The following ADARB1 variants were observed in gnomAD, a reference collection of about 807,000 sequenced individuals.
ADARB1 encodes double-stranded RNA-specific editase 1.
Under a neutral mutation model 52.4 loss-of-function variants are expected in ADARB1, and 10 were observed. The observed-to-expected ratio is 0.19, with a 90% CI of 0.12 to 0.32. The LOEUF is 0.32. Among genes scored for constraint, ADARB1 ranks in the 10% least tolerant of loss-of-function variants. ADARB1 has a pLI of 1.00. For missense variants in ADARB1, 643 were observed against 922.3 expected (o/e 0.70, Z 3.92); for synonymous variants, 349 against 371.1 (o/e 0.94, Z 0.68).
intron 2 of ADARB1, among the ~76,000 whole-genome samples, chr21:45,147,958 C>T (rs559678680): frequency 6.6e-6 from 1 of 152,278 alleles, no homozygotes; most frequent in Admixed American, 6.5e-5. Context: ...TGCCAACTGC[C>T]TGGTGAGGCT....
Position 45,208,729 on chromosome 21 carries a change from AGTGT to A in ADARB1, c.1747+4006_1747+4009del, listed in dbSNP as rs369586520. Among the ~76,000 whole-genome samples, 1 of 149,430 alleles carries A rather than the reference AGTGT, an allele frequency of 6.7e-6. No homozygotes were observed. Among genetic ancestry groups the A allele is most frequent in the Non-Finnish European group, 1.5e-5 (1 of 67,250 alleles). On this transcript the variant is annotated intron_variant, in intron 9 of 10. Transcript: ENST00000348831. The surrounding 1 kb of genome is among the most constrained non-coding windows in gnomAD (Gnocchi z 5.6). ...GCTCACATGAGTGTATGAGAGAGAG[AGTGT>A]GTGTGTGTGTGTATGCGTATTCTCC...
intron 9 of ADARB1, among the ~76,000 whole-genome samples, chr21:45,207,327 G>C (rs956167589): frequency 1.3e-5 from 2 of 152,192 alleles, no homozygotes; most frequent in Non-Finnish European, 2.9e-5. Flanking sequence ...AAGTAGCTTT[G>C]GAGAAGACAC....
At position 45,086,477 on chromosome 21, in the gene ADARB1, G is replaced by A. The variant is rs118078343; in HGVS notation, c.-220+11684G>A. ...GTCACCTCAAATGTTCCCTGTGCTT[G>A]TCTGCAGTTGATTCGCGCACCCAGC... On this transcript the variant is annotated intron_variant, in intron 1 of 10. Coordinates refer to ENST00000348831, the MANE Select transcript of ADARB1 (RefSeq NM_001112.4). Among the ~76,000 whole-genome samples the A allele has an allele frequency of 3.6e-3, 544 of 152,276 alleles. 3 individuals carry two copies. Among genetic ancestry groups the A allele is most frequent in the Non-Finnish European group, 5.5e-3 (375 of 68,026 alleles).
chr21:45,135,651 G>C (rs1447150032), intron 2 of ADARB1, among the ~76,000 whole-genome samples: 1 of 152,254 alleles, frequency 6.6e-6, no homozygotes, highest in East Asian at 1.9e-4. Context: ...GAAAAGCAAA[G>C]TGAGGCCTCA....
chr21:45,198,026 G>C (rs1601914630), intron 8 of ADARB1, among the ~76,000 whole-genome samples: 1 of 152,166 alleles, frequency 6.6e-6, no homozygotes, highest in Non-Finnish European at 1.5e-5. Flanking sequence ...TTGTATGTCA[G>C]TTGTACCGCA....
At chr21:45,191,871 T>G (rs1432289987) in intron 8 of ADARB1, among the ~76,000 whole-genome samples, 1 of 6,980 alleles carries the variant, frequency 1.4e-4, no homozygotes, top group Non-Finnish European at 4.1e-4. Flanking sequence ...TATATATATA[T>G]ATATATATAT....
chr21:45,083,457 A>G lies in ADARB1; in HGVS notation c.-220+8664A>G, dbSNP rs17315665. Among the ~76,000 whole-genome samples the G allele has an allele frequency of 6.3e-3, 953 of 152,322 alleles. 8 individuals are homozygous for G. Among genetic ancestry groups the G allele is most frequent in the Middle Eastern group, 0.017 (5 of 294 alleles). On this transcript the variant is annotated intron_variant, in intron 1 of 10. Coordinates refer to ENST00000348831, the MANE Select transcript of ADARB1 (RefSeq NM_001112.4). ...TAAAACCATAAAGTTTGACATAGTA[A>G]ATTATCTGTTGAAAACAGGGAGGCC...
chr21:45,158,954 G>A (rs1448298678), intron 2 of ADARB1, among the ~76,000 whole-genome samples: 1 of 151,996 alleles, frequency 6.6e-6, no homozygotes, highest in Non-Finnish European at 1.5e-5. Context: ...TATAGAGTAA[G>A]GCATATTCGT....
At chr21:45,134,062 G>T (rs1172473667) in intron 2 of ADARB1, among the ~76,000 whole-genome samples, 1 of 106,402 alleles carries the variant, frequency 9.4e-6, no homozygotes, top group Non-Finnish European at 1.9e-5. Flanking sequence ...GCCCGACAGT[G>T]GTGTGTGCGC....
At chr21:45,130,634 A>G (rs1363451470) in intron 2 of ADARB1, among the ~76,000 whole-genome samples, 1 of 152,214 alleles carries the variant, frequency 6.6e-6, no homozygotes, top group Non-Finnish European at 1.5e-5. Flanking sequence ...CTTTGGAAGC[A>G]CGGCCGTCCT....
intron 2 of ADARB1, among the ~76,000 whole-genome samples, chr21:45,156,685 C>T (rs2090672416): frequency 6.6e-6 from 1 of 152,162 alleles, no homozygotes; most frequent in South Asian, 2.1e-4. Context: ...GCACCCACTT[C>T]TCTACATTGT....
intron 2 of ADARB1, among the ~76,000 whole-genome samples, chr21:45,147,965 G>A (rs2090089582): frequency 6.6e-6 from 1 of 151,916 alleles, no homozygotes; most frequent in Non-Finnish European, 1.5e-5. Context: ...TGCCTGGTGA[G>A]GCTCCGTCGA....
intron 9 of ADARB1, among the ~76,000 whole-genome samples, chr21:45,205,076 TG>T (rs1423990496): frequency 1.3e-5 from 2 of 151,876 alleles, no homozygotes; most frequent in African/African-American, 4.8e-5. Context: ...CTGAGAAAAA[TG>T]GCAAAACCCC....
At chr21:45,170,787 GA>G (rs1485279390) in intron 2 of ADARB1, among the ~76,000 whole-genome samples, 1 of 151,978 alleles carries the variant, frequency 6.6e-6, no homozygotes, top group Non-Finnish European at 1.5e-5. Context: ...ATTTATTATA[GA>G]ACATGTATTA....
intron 2 of ADARB1, among the ~76,000 whole-genome samples, chr21:45,164,562 G>A (rs988796714): frequency 2.0e-5 from 3 of 152,062 alleles, no homozygotes; most frequent in South Asian, 2.1e-4. Flanking sequence ...GGTTGGTGCC[G>A]TGTGAGCTGG....
rs1022628918 is a variant in ADARB1, at chr21:45,074,620, GGCA to G, written c.-390_-388del. ...CCGTGGCGGCGGCGGCGGCGGCGGCGGCAGCGGCGGCCAAGCGGCCAGGTTGGC... is the reference window on the plus strand; with the variant it reads ...CCGTGGCGGCGGCGGCGGCGGCGGCGGCGGCGGCCAAGCGGCCAGGTTGGC... On this transcript the variant is annotated 5_prime_UTR_variant, in exon 1 of 11. Coordinates refer to ENST00000348831, the MANE Select transcript of ADARB1 (RefSeq NM_001112.4). 11 of 149,066 alleles carry G rather than the reference GGCA, an allele frequency of 7.4e-5. No individual in the cohort carries two copies. The highest frequency in any genetic ancestry group is 2.2e-4 in the African/African-American group (9 of 40,412). 9.2% of individuals were successfully genotyped at this position (149,066 alleles called of 1,614,324 possible). A position where few individuals can be genotyped will look rare whatever the true frequency, so the allele number is the denominator to read the frequency against.
chr21:45,211,095 C>T (rs184087628), intron 9 of ADARB1, among the ~76,000 whole-genome samples: 17 of 152,338 alleles, frequency 1.1e-4, no homozygotes, highest in African/African-American at 2.2e-4. Flanking sequence ...CAAGGCACTT[C>T]CGAGCTGGCA....
intron 2 of ADARB1, among the ~76,000 whole-genome samples, chr21:45,130,449 C>T (rs1210401087): frequency 6.6e-6 from 1 of 152,198 alleles, no homozygotes; most frequent in African/African-American, 2.4e-5. Flanking sequence ...AGTCATATCT[C>T]CTCCTCCTGA....
chr21:45,184,898 G>T (rs757451254), intron 7 of ADARB1, 25 bp from the exon 8 acceptor site: 3 of 1,587,456 alleles, frequency 1.9e-6, no homozygotes, highest in Non-Finnish European at 2.6e-6. Context: ...CTACCTGTGG[G>T]GTTTTAACTC....
Sources: gnomAD v4.1 joint callset for allele counts (sites outside exome capture counted in the v4.1 genomes callset) on GRCh38, gnomAD v4.1.1 for gene constraint, Gnocchi (gnomAD v3.1) non-coding constraint, MANE v1.5 for transcripts, NCBI Gene and HGNC (gene_info 2026-07-23, HGNC 2026-07-21) for gene names.